PPTC7: variants seen among roughly 807,000 people sequenced by gnomAD.
PPTC7 encodes the protein protein phosphatase PTC7 homolog.
A neutral mutation model predicts 30.8 loss-of-function variants in PPTC7; 6 were observed. The ratio of observed to expected loss-of-function variants is 0.19; its 90% CI spans 0.11 to 0.38. PPTC7 has a LOEUF of 0.38. Among genes scored for constraint, PPTC7 ranks in the 10% least tolerant of loss-of-function variants. The probability of loss-of-function intolerance (pLI) is 1.00; values close to 1 mark genes in which losing one functional copy is unlikely to be tolerated. For missense variants in PPTC7, 218 were observed against 404.8 expected (o/e 0.54, Z 3.96); for synonymous variants, 163 against 168.1 (o/e 0.97, Z 0.23).
intron 1 of PPTC7, among the ~76,000 whole-genome samples, chr12:110,569,937 C>A (rs2064518775): frequency 6.6e-6 from 1 of 152,188 alleles, no homozygotes; most frequent in Admixed American, 6.5e-5. Context: ...ACCTCAACCA[C>A]TTTTCAATCT....
At chr12:110,571,291 G>A (rs1342232940) in intron 1 of PPTC7, among the ~76,000 whole-genome samples, 1 of 151,746 alleles carries the variant, frequency 6.6e-6, no homozygotes, top group Non-Finnish European at 1.5e-5. Flanking sequence ...TTTGCCCATG[G>A]TTTCCAGAAC....
At chr12:110,552,128 C>T (rs1374223916) in intron 1 of PPTC7, among the ~76,000 whole-genome samples, 160 bp from the exon 2 acceptor site, 1 of 152,232 alleles carries the variant, frequency 6.6e-6, no homozygotes, top group Admixed American at 6.5e-5. Flanking sequence ...GTATTCTACA[C>T]TAACACTCCT....
At chr12:110,572,481 G>C (rs538412566) in intron 1 of PPTC7, among the ~76,000 whole-genome samples, 5 of 152,210 alleles carry the variant, frequency 3.3e-5, no homozygotes, top group African/African-American at 1.2e-4. Flanking sequence ...ACAATGTACA[G>C]AGTAGTCCAA....
At chr12:110,578,816 C>T (rs1397987144) in intron 1 of PPTC7, among the ~76,000 whole-genome samples, 1 of 152,144 alleles carries the variant, frequency 6.6e-6, no homozygotes, top group Admixed American at 6.5e-5. Context: ...TAACTCCAAC[C>T]TCTAGAGTTG....
intron 5 of PPTC7, 39 bp downstream of exon 5, chr12:110,538,105 C>T: frequency 6.2e-7 from 1 of 1,604,606 alleles, no homozygotes; most frequent in Non-Finnish European, 8.5e-7. Context: ...GACACCATGT[C>T]CCCAGTCAGT....
chr12:110,563,134 A>AC (rs1326001791), intron 1 of PPTC7, among the ~76,000 whole-genome samples: 1 of 150,246 alleles, frequency 6.7e-6, no homozygotes, highest in East Asian at 2.0e-4. Context: ...AAAAAAAAAA[A>AC]AAAAAAAAAA....
chr12:110,547,113 T>G (rs1350954348), intron 2 of PPTC7, among the ~76,000 whole-genome samples: 2 of 152,156 alleles, frequency 1.3e-5, no homozygotes, highest in Non-Finnish European at 2.9e-5. Context: ...AGAAAATAAT[T>G]AGAAGGGCAA....
At chr12:110,540,506 C>T (rs1423781011) in intron 3 of PPTC7, among the ~76,000 whole-genome samples, 2 of 151,854 alleles carry the variant, frequency 1.3e-5, no homozygotes, top group Non-Finnish European at 2.9e-5. Flanking sequence ...CATGCACCAC[C>T]ACGCCTAATT....
Position 110,553,396 on chromosome 12 carries a change from G to A in PPTC7, c.224-1428C>T, listed in dbSNP as rs552601011. Among the ~76,000 whole-genome samples the A allele has an allele frequency of 1.6e-4, 24 of 151,924 alleles. No individual in the cohort carries two copies. In the Middle Eastern group the frequency reaches 0.017, roughly 108 times the overall value. ...CCTGACCTCATGATCTGCCAGCCTCGGCCTCCCAAAGTTCTGGGATTACAG... is the reference window on the plus strand; with the variant it reads ...CCTGACCTCATGATCTGCCAGCCTCAGCCTCCCAAAGTTCTGGGATTACAG... On this transcript the variant is annotated intron_variant, in intron 1 of 5. Transcript: ENST00000354300.
rs544720379 is a variant in PPTC7, at chr12:110,579,961, C to T, written c.223+2848G>A. 1.1e-3 allele frequency among the ~76,000 whole-genome samples: 164 copies of T among 151,734 alleles called. 1 individual carries two copies. Among genetic ancestry groups the T allele is most frequent in the Middle Eastern group, 3.4e-3 (1 of 294 alleles). ...CCGGGAGGCGGAGGTTGCAGTGAGC[C>T]GAGATGGCGCCATTGCACTCCAGCC... On this transcript the variant is annotated intron_variant, in intron 1 of 5. Transcript: ENST00000354300.
intron 1 of PPTC7, among the ~76,000 whole-genome samples, chr12:110,582,222 G>A (rs2064643298): frequency 6.6e-6 from 1 of 152,232 alleles, no homozygotes; most frequent in African/African-American, 2.4e-5. Flanking sequence ...CAATTTGGGA[G>A]AAAACGCTGT....
In PPTC7 at chr12:110,536,958, T is replaced by C; in HGVS notation, c.*79A>G. ...CATTGAGATCAGTGGCAAAGAAATGTGGTCCTGCCAGCAGGATCAGCACAC... is the reference window on the plus strand; with the variant it reads ...CATTGAGATCAGTGGCAAAGAAATGCGGTCCTGCCAGCAGGATCAGCACAC... On this transcript the variant is annotated 3_prime_UTR_variant, in exon 6 of 6. Coordinates refer to ENST00000354300, the MANE Select transcript of PPTC7 (RefSeq NM_139283.2). 1 of 1,049,476 alleles carries C rather than the reference T, an allele frequency of 9.5e-7. No homozygotes were observed. The highest frequency in any genetic ancestry group is 1.5e-6 in the Non-Finnish European group (1 of 674,760). 65.0% of individuals were successfully genotyped at this position (1,049,476 alleles called of 1,614,324 possible). A position where few individuals can be genotyped will look rare whatever the true frequency, so the allele number is the denominator to read the frequency against.
At position 110,538,288 on chromosome 12, in the gene PPTC7, G is replaced by A. The variant is rs2064233506; in HGVS notation, c.727-15C>T. Reference sequence around the variant, plus strand: ...TAATTTGAATTCTAAGATAAAGCATGAGGAAGTTATTTTACCATAATGCTC... The same window carrying A: ...TAATTTGAATTCTAAGATAAAGCATAAGGAAGTTATTTTACCATAATGCTC... On this transcript the variant is annotated splice_polypyrimidine_tract_variant and intron_variant, in intron 4 of 5. Coordinates refer to ENST00000354300, the MANE Select transcript of PPTC7 (RefSeq NM_139283.2). 2 of 1,611,926 alleles carry A rather than the reference G, an allele frequency of 1.2e-6. No individual in the cohort carries two copies. The highest frequency in any genetic ancestry group is 1.7e-6 in the Non-Finnish European group (2 of 1,178,202).
At chr12:110,568,950 GGC>G (rs1565926171) in intron 1 of PPTC7, among the ~76,000 whole-genome samples, 1 of 152,146 alleles carries the variant, frequency 6.6e-6, no homozygotes, top group African/African-American at 2.4e-5. Context: ...GGGAGGTCGA[GGC>G]TGCAGTGCAC....
intron 1 of PPTC7, among the ~76,000 whole-genome samples, chr12:110,568,556 T>C (rs1190532052): frequency 3.3e-5 from 5 of 152,152 alleles, no homozygotes; most frequent in Admixed American, 2.0e-4. Flanking sequence ...CTGGCCCTCA[T>C]GCATATTCTT....
chr12:110,538,141 T>G lies in PPTC7; in HGVS notation c.856+3A>C. ...CCCTATGACCTTCCCAAAGAATGCT[T>G]ACCTCTCACATTCAATCCATTGTCA... On this transcript the variant is annotated splice_donor_region_variant and intron_variant, in intron 5 of 5. Transcript: ENST00000354300. The G allele has an allele frequency of 6.2e-7, 1 of 1,613,996 alleles. No individual in the cohort carries two copies. Among genetic ancestry groups the G allele is most frequent in the Non-Finnish European group, 8.5e-7 (1 of 1,179,928 alleles).
At position 110,534,884 on chromosome 12, in the gene PPTC7, G is replaced by C. The variant is rs985448990; in HGVS notation, c.*2153C>G. ...GAGAGCAGAGAAAAACCAGAAACTT[G>C]ACGAGCACTGCTCTTACCAGGAATT... On this transcript the variant is annotated 3_prime_UTR_variant, in exon 6 of 6. Transcript: ENST00000354300. 16 of 152,604 alleles carry C rather than the reference G, an allele frequency of 1.0e-4. No individual in the cohort carries two copies. The highest frequency in any genetic ancestry group is 9.8e-4 in the Admixed American group (15 of 15,280). 9.5% of individuals were successfully genotyped at this position (152,604 alleles called of 1,614,324 possible).
chr12:110,567,663 C>A (rs142548160), intron 1 of PPTC7, among the ~76,000 whole-genome samples: 2 of 152,182 alleles, frequency 1.3e-5, no homozygotes, highest in African/African-American at 2.4e-5. Context: ...TCAGTAGCTT[C>A]GTAACTGGTC....
chr12:110,560,005 G>C (rs1430258353), intron 1 of PPTC7, among the ~76,000 whole-genome samples: 1 of 152,098 alleles, frequency 6.6e-6, no homozygotes, highest in African/African-American at 2.4e-5. Flanking sequence ...TAGAATTACA[G>C]GAATGGGCCA....
Sources: allele counts gnomAD v4.1 joint callset (sites outside exome capture counted in the v4.1 genomes callset), GRCh38; gene constraint gnomAD v4.1.1; transcripts MANE v1.5; gene names NCBI Gene and HGNC (gene_info 2026-07-23, HGNC 2026-07-21).